RHCE: variants seen among roughly 807,000 people sequenced by gnomAD.
The protein encoded by RHCE is Rh blood group CcEe antigens.
In RHCE, 22 loss-of-function variants were observed where a neutral mutation model predicts 43.8. The observed-to-expected ratio is 0.50, with a 90% CI of 0.36 to 0.72. The LOEUF (loss-of-function observed/expected upper bound fraction) is 0.72, where lower values mean the gene tolerates loss of function less well. Among genes scored for constraint, RHCE ranks in the 30% least tolerant of loss-of-function variants. The pLI is 0.00. For synonymous variants in RHCE, 156 were observed against 210.7 expected, an observed-to-expected ratio of 0.74 and a Z score of 2.25; for missense variants, 385 against 525.4, an observed-to-expected ratio of 0.73 and a Z score of 2.61.
intron 8 of RHCE, among the ~76,000 whole-genome samples, chr1:25,374,568 T>C (rs59263849): frequency 0.073 from 10,626 of 144,936 alleles, 1,189 homozygotes; most frequent in African/African-American, 0.26. Flanking sequence ...CAACCCCTGC[T>C]GCTCCTTCTC....
chr1:25,385,966 A>G (rs1571860246), intron 6 of RHCE, 122 bp from the exon 7 acceptor site: 8 of 1,427,136 alleles, frequency 5.6e-6, no homozygotes, highest in Non-Finnish European at 7.9e-6. Flanking sequence ...GCTCACCTCA[A>G]AGAAGCCCTT....
At chr1:25,404,101 G>A (rs1465558003) in intron 2 of RHCE, among the ~76,000 whole-genome samples, 2 of 149,196 alleles carry the variant, frequency 1.3e-5, no homozygotes, top group Non-Finnish European at 3.0e-5. Context: ...CCGGGAGGCA[G>A]AGGTTGCAGT....
intron 2 of RHCE, among the ~76,000 whole-genome samples, chr1:25,427,505 G>A (rs2042814088): frequency 6.6e-6 from 1 of 152,218 alleles, no homozygotes; most frequent in African/African-American, 2.4e-5. Context: ...GAATCCCAAA[G>A]GGCCATTTCA....
intron 4 of RHCE, 152 bp downstream of exon 4, chr1:25,391,842 A>G (rs1646377160): frequency 2.7e-6 from 3 of 1,095,716 alleles, no homozygotes; most frequent in South Asian, 2.7e-5. Flanking sequence ...GTATGAATTT[A>G]GCAAACACTA....
At chr1:25,413,702 G>T (rs552662084) in intron 1 of RHCE, among the ~76,000 whole-genome samples, 2 of 152,042 alleles carry the variant, frequency 1.3e-5, no homozygotes, top group East Asian at 3.9e-4. Context: ...TGTTCTACGT[G>T]CCTTACAGAC....
intron 3 of RHCE, 89 bp downstream of exon 3, chr1:25,402,507 G>T: frequency 6.2e-7 from 1 of 1,602,922 alleles, no homozygotes; most frequent in East Asian, 2.2e-5. Flanking sequence ...ATTACAGGTT[G>T]TCTTTATTTT....
chr1:25,375,625 G>A (rs1403110335), intron 7 of RHCE, among the ~76,000 whole-genome samples, 197 bp from the exon 8 acceptor site: 1 of 146,968 alleles, frequency 6.8e-6, no homozygotes, highest in Non-Finnish European at 1.5e-5. Flanking sequence ...GGGAGGCGAC[G>A]GAGATTCCAA....
chr1:25,418,933 G>C (rs2042682750), intron 1 of RHCE, among the ~76,000 whole-genome samples: 2 of 152,194 alleles, frequency 1.3e-5, no homozygotes, highest in Admixed American at 6.5e-5. Flanking sequence ...TACAGGGTTG[G>C]AATAGTGGCT....
At position 25,405,917 on chromosome 1, in the gene RHCE, C is replaced by G. The variant is rs1230782471; in HGVS notation, c.335+2766G>C. Among the ~76,000 whole-genome samples, 13 of 122,646 alleles carry G rather than the reference C, an allele frequency of 1.1e-4. 4 individuals carry two copies. The highest frequency in any genetic ancestry group is 2.2e-4 in the Non-Finnish European group (12 of 53,706). The allele number at this position is 122,646 out of a possible 152,430, so 80.5% of individuals were successfully genotyped here. A position where few individuals can be genotyped will look rare whatever the true frequency, so the allele number is the denominator to read the frequency against. On this transcript the variant is annotated intron_variant, in intron 2 of 9. Coordinates refer to ENST00000294413, the MANE Select transcript of RHCE (RefSeq NM_020485.8). ...GCACCACCCATCAGCACAGCCCTGA[C>G]GGGAACCGGTCAGGAAGGAGCCAGT...
chr1:25,394,941 T>C (rs1343893844), intron 3 of RHCE, among the ~76,000 whole-genome samples: 1 of 150,790 alleles, frequency 6.6e-6, no homozygotes, highest in Non-Finnish European at 1.5e-5. Context: ...CAGGCTGAAT[T>C]GAAGTTTTGA....
In RHCE at chr1:25,412,714, TTA is replaced by T. The variant is rs1491322014; in HGVS notation, c.149-3847_149-3846del. Among the ~76,000 whole-genome samples the T allele has an allele frequency of 1.5e-3, 146 of 100,416 alleles. 4 individuals are homozygous for T. Among genetic ancestry groups the T allele is most frequent in the African/African-American group, 5.8e-3 (120 of 20,560 alleles). 65.9% of individuals were successfully genotyped at this position (100,416 alleles called of 152,430 possible). The stretch of plus-strand genomic sequence containing the variant: ...TAGGCGACAGAGGGAGACCCTTTTT[TTA>T]AAAAAAAAAAAAAAAAAAAAAAAAA... On this transcript the variant is annotated intron_variant, in intron 1 of 9. Coordinates refer to ENST00000294413, the MANE Select transcript of RHCE (RefSeq NM_020485.8).
intron 2 of RHCE, among the ~76,000 whole-genome samples, chr1:25,426,360 T>C (rs757197611): frequency 6.6e-6 from 1 of 152,338 alleles, no homozygotes; most frequent in Non-Finnish European, 1.5e-5. Flanking sequence ...GTTTGGTAAC[T>C]TGCTATTTTC....
At chr1:25,390,479 G>A (rs561785530) in intron 5 of RHCE, among the ~76,000 whole-genome samples, 7 of 152,286 alleles carry the variant, frequency 4.6e-5, no homozygotes, top group Admixed American at 6.5e-5. Flanking sequence ...TAGCAGAAAC[G>A]GGGTTCAAAC....
At chr1:25,383,477 TATTGCTAAATCTGCAC>T (rs1255423861) in intron 7 of RHCE, among the ~76,000 whole-genome samples, 2 of 152,218 alleles carry the variant, frequency 1.3e-5, no homozygotes, top group Non-Finnish European at 2.9e-5. Flanking sequence ...GGCTATGTTC[TATTGCTAAATCTGCAC>T]AGCAACCCTG....
chr1:25,386,016 TTGAAA>T (rs1646146540), intron 6 of RHCE, among the ~76,000 whole-genome samples, 172 bp from the exon 7 acceptor site: 1 of 152,162 alleles, frequency 6.6e-6, no homozygotes. Flanking sequence ...GGGGAGTTTG[TTGAAA>T]TGAAGAGCTG....
chr1:25,410,877 G>A (rs189521856), intron 1 of RHCE, among the ~76,000 whole-genome samples: 1 of 152,152 alleles, frequency 6.6e-6, no homozygotes, highest in African/African-American at 2.4e-5. Flanking sequence ...AGATCATGAG[G>A]TCAGCAGTTC....
In RHCE at chr1:25,388,828, G is replaced by C. The variant is rs1011373146; in HGVS notation, c.939+148C>G. ...CTTAACAAATGTGCCACCGAGCCAGGATGGATCCCTCGCTAGGCGTTGAAG... is the reference window on the plus strand; with the variant it reads ...CTTAACAAATGTGCCACCGAGCCAGCATGGATCCCTCGCTAGGCGTTGAAG... On this transcript the variant is annotated intron_variant, in intron 6 of 9. Transcript: ENST00000294413. The C allele has an allele frequency of 8.9e-6, 12 of 1,351,592 alleles. No individual in the cohort carries two copies. The African/African-American group carries it at 1.7e-4, about 19-fold the overall frequency. The allele number at this position is 1,351,592 out of a possible 1,614,324, so 83.7% of individuals were successfully genotyped here. A position where few individuals can be genotyped will look rare whatever the true frequency, so the allele number is the denominator to read the frequency against.
At chr1:25,421,682 C>T (rs947476608), upstream of RHCE, among the ~76,000 whole-genome samples, 8 of 152,148 alleles carry the variant, frequency 5.3e-5, no homozygotes, top group South Asian at 2.1e-4. Flanking sequence ...GCCAACTTCC[C>T]GGAACTGTGC....
chr1:25,413,300 C>T (rs973977739), intron 1 of RHCE, among the ~76,000 whole-genome samples: 7 of 152,178 alleles, frequency 4.6e-5, no homozygotes, highest in Non-Finnish European at 8.8e-5. Context: ...CCCCCTCATC[C>T]TCCCACCTCT....
Sources: allele counts gnomAD v4.1 joint callset (sites outside exome capture counted in the v4.1 genomes callset), GRCh38; gene constraint gnomAD v4.1.1; transcripts MANE v1.5; gene names NCBI Gene and HGNC (gene_info 2026-07-23, HGNC 2026-07-21).